Variants in MAGI2 observed in about 807,000 individuals in gnomAD.
MAGI2 encodes membrane-associated guanylate kinase, WW and PDZ domain-containing protein 2.
Under a neutral mutation model 133.3 loss-of-function variants are expected in MAGI2, and 35 were observed. The observed-to-expected ratio is 0.26, with a 90% confidence interval of 0.20 to 0.35. The LOEUF (loss-of-function observed/expected upper bound fraction) is 0.35, where lower values mean the gene tolerates loss of function less well. Ranked by LOEUF, MAGI2 falls within the 10% of genes least tolerant of loss-of-function variation. MAGI2 has a pLI of 1.00. For missense variants in MAGI2, 1,636 were observed against 1,863.4 expected (o/e 0.88, Z 2.25); for synonymous variants, 729 against 710.6 (o/e 1.03, Z -0.41).
chr7:78,019,567 C>T lies in MAGI2; in HGVS notation c.4116G>A (p.Ala1372=). Residue 1372 remains alanine (A), a synonymous_variant, in exon 22 of 22, where the codon GCG becomes GCA. Coordinates refer to ENST00000354212, the MANE Select transcript of MAGI2 (RefSeq NM_012301.4). ...CGCGCCGGCAGAGCTCGGAGCCCGCCGCCGCACGGGGCGCCTCCTTCCCGC... is the reference window on the plus strand; with the variant it reads ...CGCGCCGGCAGAGCTCGGAGCCCGCTGCCGCACGGGGCGCCTCCTTCCCGC... The part of the protein sequence containing the change: ...RAGGKEAPRA[A]AGSELCRREG... 2.0e-6 allele frequency: 2 copies of T among 980,602 alleles called. No homozygotes were observed. Among genetic ancestry groups the T allele is most frequent in the African/African-American group, 1.8e-5 (1 of 56,630 alleles). 60.7% of individuals were successfully genotyped at this position (980,602 alleles called of 1,614,324 possible). A position where few individuals can be genotyped will look rare whatever the true frequency, so the allele number is the denominator to read the frequency against.
chr7:78,035,480 G>A (rs954551736), intron 21 of MAGI2, among the ~76,000 whole-genome samples: 1 of 152,148 alleles, frequency 6.6e-6, no homozygotes, highest in Non-Finnish European at 1.5e-5. Flanking sequence ...GCCCAGTGTG[G>A]GGATTCTGAA....
intron 6 of MAGI2, among the ~76,000 whole-genome samples, chr7:78,432,782 G>A (rs570866835): frequency 4.0e-5 from 6 of 151,700 alleles, no homozygotes; most frequent in Non-Finnish European, 8.8e-5. Flanking sequence ...CAAAGAAATG[G>A]ACTGAAAATG....
chr7:78,134,743 A>C (rs1453203947), intron 17 of MAGI2: 3 of 302,382 alleles, frequency 9.9e-6, no homozygotes, highest in Non-Finnish European at 1.8e-5. Flanking sequence ...GCCCACAGGG[A>C]ATGATTGAAT....
At chr7:79,142,325 A>C (rs1031663851) in intron 1 of MAGI2, among the ~76,000 whole-genome samples, 1 of 152,122 alleles carries the variant, frequency 6.6e-6, no homozygotes, top group African/African-American at 2.4e-5. Context: ...ATTCTCAAAA[A>C]CTTTCTTTAC....
At chr7:79,097,532 G>A (rs1045737838) in intron 1 of MAGI2, among the ~76,000 whole-genome samples, 1 of 152,122 alleles carries the variant, frequency 6.6e-6, no homozygotes, top group Non-Finnish European at 1.5e-5. Context: ...GGGAACCCAG[G>A]AAGACTCTCA....
chr7:79,307,285 G>A (rs549201307), intron 1 of MAGI2, among the ~76,000 whole-genome samples: 12 of 152,292 alleles, frequency 7.9e-5, no homozygotes, highest in African/African-American at 2.9e-4. Context: ...AGTGGGCCCA[G>A]ATGGACACAG....
chr7:78,900,108 T>C (rs1023451868), intron 2 of MAGI2, among the ~76,000 whole-genome samples: 3 of 152,166 alleles, frequency 2.0e-5, no homozygotes, highest in Non-Finnish European at 4.4e-5. Context: ...CACAATTTAG[T>C]TAAAGCCTTG....
intron 9 of MAGI2, among the ~76,000 whole-genome samples, chr7:78,333,010 T>C (rs1024555224): frequency 6.6e-6 from 1 of 152,246 alleles, no homozygotes; most frequent in East Asian, 1.9e-4. Flanking sequence ...AGTTCATAAA[T>C]GTCTAAACAG....
chr7:79,047,614 T>C (rs891006749), intron 1 of MAGI2, among the ~76,000 whole-genome samples: 2 of 152,126 alleles, frequency 1.3e-5, no homozygotes, highest in African/African-American at 4.8e-5. Flanking sequence ...ATTGAGTTGA[T>C]AAGCCTATTG....
At chr7:78,549,825 G>T (rs916838776) in intron 3 of MAGI2, among the ~76,000 whole-genome samples, 13 of 152,166 alleles carry the variant, frequency 8.5e-5, no homozygotes, top group African/African-American at 2.9e-4. Flanking sequence ...GGGCCTATTT[G>T]TGTGTTTGTT....
intron 2 of MAGI2, among the ~76,000 whole-genome samples, chr7:78,633,697 C>T (rs1394442760): frequency 3.1e-5 from 4 of 127,232 alleles, no homozygotes; most frequent in Non-Finnish European, 6.4e-5. Flanking sequence ...CAGAGCGAGA[C>T]TCCGTCTCAA....
intron 1 of MAGI2, among the ~76,000 whole-genome samples, chr7:79,070,937 T>C (rs1180587949): frequency 6.6e-6 from 1 of 152,202 alleles, no homozygotes; most frequent in Non-Finnish European, 1.5e-5. Flanking sequence ...TTCTGAAGCC[T>C]ACTTCTGTCA....
intron 1 of MAGI2, among the ~76,000 whole-genome samples, chr7:79,225,996 T>C (rs2129553787): frequency 6.6e-6 from 1 of 152,328 alleles, no homozygotes; most frequent in African/African-American, 2.4e-5. Flanking sequence ...AAGAGTTGTA[T>C]ACCACTTTTA....
intron 1 of MAGI2, among the ~76,000 whole-genome samples, chr7:79,316,999 G>C (rs913553554): frequency 6.7e-5 from 10 of 149,372 alleles, no homozygotes; most frequent in Admixed American, 6.7e-5. Context: ...AAAAAATGTA[G>C]GGTTTTTTTT....
At chr7:78,904,504 A>C (rs1797850751) in intron 2 of MAGI2, among the ~76,000 whole-genome samples, 1 of 151,308 alleles carries the variant, frequency 6.6e-6, no homozygotes, top group Non-Finnish European at 1.5e-5. Context: ...CATGCATAGC[A>C]TACTAAATAA....
intron 1 of MAGI2, among the ~76,000 whole-genome samples, chr7:79,031,911 A>T: frequency 6.6e-6 from 1 of 152,178 alleles, no homozygotes. Flanking sequence ...AAATAAGAAT[A>T]TAAAAATAAT....
At chr7:79,346,513 A>T (rs144821272) in intron 1 of MAGI2, among the ~76,000 whole-genome samples, 2 of 151,830 alleles carry the variant, frequency 1.3e-5, no homozygotes, top group Non-Finnish European at 2.9e-5. Flanking sequence ...GCACTATTTT[A>T]TCTTGCTCAT....
intron 2 of MAGI2, among the ~76,000 whole-genome samples, chr7:79,002,298 T>A (rs1215184969): frequency 2.0e-5 from 3 of 151,928 alleles, no homozygotes; most frequent in Non-Finnish European, 4.4e-5. Context: ...ATTTTTAATT[T>A]TTTTTTTGTA....
chr7:79,306,871 T>C (rs1837859449), intron 1 of MAGI2, among the ~76,000 whole-genome samples: 4 of 152,090 alleles, frequency 2.6e-5, no homozygotes. Context: ...TGGAGTGCAG[T>C]GGTGTGATCT....
Sources: allele counts gnomAD v4.1 joint callset (sites outside exome capture counted in the v4.1 genomes callset), GRCh38; gene constraint gnomAD v4.1.1; transcripts MANE v1.5; gene names NCBI Gene and HGNC (gene_info 2026-07-23, HGNC 2026-07-21).